ALG10: variants seen among roughly 807,000 people sequenced by gnomAD.
ALG10 encodes the protein ALG10 alpha-1,2-glucosyltransferase, also known as dol-P-Glc:Glc(2)Man(9)GlcNAc(2)-PP-Dol alpha-1,2-glucosyltransferase A.
Under a neutral mutation model 39.2 loss-of-function variants are expected in ALG10, and 25 were observed. The ratio of observed to expected loss-of-function variants is 0.64; its 90% CI spans 0.46 to 0.89. ALG10 has a LOEUF of 0.89. Ranked by LOEUF, ALG10 falls within the 40% of genes least tolerant of loss-of-function variation. The probability of loss-of-function intolerance (pLI) is 0.00; values close to 1 mark genes in which losing one functional copy is unlikely to be tolerated. For synonymous variants in ALG10, 184 were observed against 193.9 expected (o/e 0.95, Z 0.42); for missense variants, 486 against 546.6 (o/e 0.89, Z 1.11).
chr12:34,022,867 C>G, intron 1 of ALG10, 97 bp downstream of exon 1: 1 of 1,533,914 alleles, frequency 6.5e-7, no homozygotes, highest in Non-Finnish European at 8.9e-7. Flanking sequence ...CCTGTTCCAC[C>G]CCCTCAAGCC....
chr12:34,024,144 A>G lies in ALG10; in HGVS notation c.354A>G (p.Val118=), dbSNP rs56393741. Residue 118 remains valine, a synonymous_variant, in exon 2 of 3, where the codon GTA becomes GTG. Coordinates refer to ENST00000266483, the MANE Select transcript of ALG10 (RefSeq NM_032834.4). ...FYLLYLLFCK[V]QPRNKAASSI... The stretch of plus-strand genomic sequence containing the variant: ...TACTATATTTGCTTTTCTGCAAGGT[A>G]CAACCCAGAAACAAGGTATGTTTCA... 11,295 of 1,614,116 alleles carry G rather than the reference A, an allele frequency of 7.0e-3. 682 individuals are homozygous for G. In the African/African-American group the frequency reaches 0.13, roughly 19 times the overall value.
chr12:34,023,806 C>T (rs976706474), intron 1 of ALG10, 156 bp from the exon 2 acceptor site: 50 of 1,033,348 alleles, frequency 4.8e-5, no homozygotes, highest in Non-Finnish European at 6.6e-5. Context: ...ATAAGAAAAA[C>T]GAATCCTGTT....
rs1009298007 is a variant in ALG10, at chr12:34,027,826, A to G, written c.*911A>G. On this transcript the variant is annotated 3_prime_UTR_variant, in exon 3 of 3. Transcript: ENST00000266483. ...ACAGACATTCTATGTCTGTTTCCTA[A>G]TATCTTGTGGCTGTGTGCAATTCTT... 6 of 152,110 alleles carry G rather than the reference A, an allele frequency of 3.9e-5. No individual in the cohort carries two copies. Among genetic ancestry groups the G allele is most frequent in the African/African-American group, 1.4e-4 (6 of 41,428 alleles). The allele number at this position is 152,110 out of a possible 1,614,324, so 9.4% of individuals were successfully genotyped here. A position where few individuals can be genotyped will look rare whatever the true frequency, so the allele number is the denominator to read the frequency against.
At position 34,027,052 on chromosome 12, in the gene ALG10, TATATTTTAAAC is replaced by T; in HGVS notation, c.*142_*152del. ...TCAAATTACATTAGTTTTTTTTATA[TATATTTTAAAC>T]ATATGTAAGAAATTAAGTGGCAAAG... On this transcript the variant is annotated 3_prime_UTR_variant, in exon 3 of 3. Transcript: ENST00000266483. 1 of 928,516 alleles carries T rather than the reference TATATTTTAAAC, an allele frequency of 1.1e-6. No homozygotes were observed. The highest frequency in any genetic ancestry group is 1.5e-6 in the Non-Finnish European group (1 of 652,790). 57.5% of individuals were successfully genotyped at this position (928,516 alleles called of 1,614,324 possible).
intron 1 of ALG10, chr12:34,023,660 G>A (rs1199641921): frequency 2.5e-5 from 10 of 397,110 alleles, no homozygotes; most frequent in South Asian, 2.3e-4. Flanking sequence ...TTTAAAAACT[G>A]GAACATTTGC....
At chr12:34,022,477 T>C, upstream of ALG10, 1 of 1,491,574 alleles carries the variant, frequency 6.7e-7, no homozygotes, top group South Asian at 1.2e-5. Flanking sequence ...TGCCTTCCGG[T>C]ATGTGGCCCC....
rs763158933 is a variant in ALG10 at position 34,022,773 on chromosome 12, G to A, written c.171+3G>A. 19 of 1,614,056 alleles carry A rather than the reference G, an allele frequency of 1.2e-5. No individual in the cohort carries two copies. The highest frequency in any genetic ancestry group is 1.4e-5 in the Non-Finnish European group (17 of 1,180,016). ...AGGGCCATTTCTCCCTTTCCCAGGT[G>A]GGGTCCCCAACCTGTCCCCACCCCA... On this transcript the variant is annotated splice_donor_region_variant and intron_variant, in intron 1 of 2. Coordinates refer to ENST00000266483, the MANE Select transcript of ALG10 (RefSeq NM_032834.4).
At chr12:34,024,848 G>A (rs1942814370) in intron 2 of ALG10, among the ~76,000 whole-genome samples, 1 of 152,154 alleles carries the variant, frequency 6.6e-6, no homozygotes, top group Admixed American at 6.5e-5. Flanking sequence ...ATGCTATGAG[G>A]ATACAGAGAA....
Position 34,022,666 on chromosome 12 carries a change from C to T in ALG10, c.67C>T (p.Leu23Phe). 1 of 1,614,160 alleles carries T rather than the reference C, an allele frequency of 6.2e-7. No individual in the cohort carries two copies. Among genetic ancestry groups the T allele is most frequent in the Non-Finnish European group, 8.5e-7 (1 of 1,180,016 alleles). Residue 23 changes from leucine (L) to phenylalanine (F), a missense_variant, in exon 1 of 3, where the codon CTC becomes TTC. Leu to Phe is a conservative substitution (Grantham distance 22, BLOSUM62 0). Coordinates refer to ENST00000266483, the MANE Select transcript of ALG10 (RefSeq NM_032834.4). ...LSCTFLVSCL[L>F]FSAFSRALRE... ...CTGTACCTTTTTAGTATCCTGCCTC[C>T]TCTTCTCCGCCTTCAGCCGGGCGTT...
Position 34,023,997 on chromosome 12 carries a change from C to G in ALG10, c.207C>G (p.Tyr69Ter), listed in dbSNP as rs774036584. Residue 69 changes from tyrosine to a stop codon, truncating the protein, a stop_gained, in exon 2 of 3, where the codon TAC becomes TAG. Transcript: ENST00000266483. LOFTEE classifies it high-confidence loss of function. The stretch of plus-strand genomic sequence containing the variant: ...TGATTACTACATTACCTGGCTTGTA[C>G]CTGGTGTCAATTGGAGTGATCAAAC... The part of the protein sequence containing the change: ...DPMITTLPGL[Y>*]LVSIGVIKPA... The G allele has an allele frequency of 1.2e-5, 19 of 1,613,948 alleles. No homozygotes were observed. Among genetic ancestry groups the G allele is most frequent in the Non-Finnish European group, 1.5e-5 (18 of 1,180,016 alleles).
chr12:34,025,647 C>T (rs1444565027), intron 2 of ALG10, among the ~76,000 whole-genome samples: 9 of 152,044 alleles, frequency 5.9e-5, no homozygotes, highest in Admixed American at 6.5e-5. Context: ...CACATGGTCT[C>T]CAAACTGATA....
rs1309077395 is a variant in ALG10, at chr12:34,028,029, C to A, written c.*1114C>A. ...TCTAGGGTGATTGTGTCTGGAGACC[C>A]TTAATTATGTTTACAAAGACCCATG... On this transcript the variant is annotated 3_prime_UTR_variant, in exon 3 of 3. Transcript: ENST00000266483. The A allele has an allele frequency of 6.6e-6, 1 of 152,008 alleles. No homozygotes were observed. The highest frequency in any genetic ancestry group is 2.4e-5 in the African/African-American group (1 of 41,366). 9.4% of individuals were successfully genotyped at this position (152,008 alleles called of 1,614,324 possible).
chr12:34,025,007 A>G (rs961648883), intron 2 of ALG10, among the ~76,000 whole-genome samples: 1 of 152,154 alleles, frequency 6.6e-6, no homozygotes, highest in Non-Finnish European at 1.5e-5. Flanking sequence ...GAGACAAACA[A>G]CATAAGAAAA....
chr12:34,022,932 G>C, intron 1 of ALG10, 162 bp downstream of exon 1: 2 of 944,748 alleles, frequency 2.1e-6, no homozygotes, highest in Non-Finnish European at 3.1e-6. Context: ...TGAGATCTGT[G>C]AAATATTTAT....
In ALG10 at chr12:34,022,554, GA is replaced by G. The variant is rs1942788503; in HGVS notation, c.-44del. On this transcript the variant is annotated 5_prime_UTR_variant, in exon 1 of 3. Transcript: ENST00000266483. ...TTTCCAGCTCGGGTTTCCAGGCTCA[GA>G]ATTTTCCAGGAGTAGGTTCTTGGGC... The G allele has an allele frequency of 1.9e-6, 3 of 1,613,660 alleles. No homozygotes were observed. The highest frequency in any genetic ancestry group is 2.5e-6 in the Non-Finnish European group (3 of 1,179,850).
chr12:34,024,046 T>C lies in ALG10; in HGVS notation c.256T>C (p.Ser86Pro), dbSNP rs762202488. The C allele has an allele frequency of 8.7e-6, 14 of 1,614,098 alleles. No homozygotes were observed. The highest frequency in any genetic ancestry group is 1.3e-5 in the African/African-American group (1 of 74,948). ...IKPAIWIFGWSEHVVCSIGML... is the reference protein window; with the variant it reads ...IKPAIWIFGWPEHVVCSIGML... ...ACCTGCCATTTGGATCTTTGGATGG[T>C]CTGAACATGTTGTCTGCTCCATTGG... Residue 86 changes from serine to proline, a missense_variant, in exon 2 of 3, where the codon TCT (serine) becomes CCT (proline). By Grantham distance (74) the Ser-to-Pro change is moderately conservative (BLOSUM62 -1). Transcript: ENST00000266483.
upstream of ALG10, chr12:34,022,466 T>C (rs530692755): frequency 7.0e-6 from 10 of 1,431,828 alleles, no homozygotes; most frequent in Middle Eastern, 2.5e-4. Context: ...CCAGCATCCT[T>C]TGCCTTCCGG....
chr12:34,025,899 A>G lies in ALG10; in HGVS notation c.406A>G (p.Thr136Ala). Residue 136 changes from threonine to alanine, a missense_variant, in exon 3 of 3, where the codon ACA becomes GCA. Transcript: ENST00000266483. The part of the protein sequence containing the change: ...SSIQRVLSTL[T>A]LAVFPTLYFF... Reference sequence around the variant, plus strand: ...TATCCAGAGAGTCTTGTCAACATTAACACTAGCAGTATTTCCAACACTTTA... The same window carrying G: ...TATCCAGAGAGTCTTGTCAACATTAGCACTAGCAGTATTTCCAACACTTTA... The G allele has an allele frequency of 6.2e-7, 1 of 1,614,012 alleles. No individual in the cohort carries two copies. Among genetic ancestry groups the G allele is most frequent in the Non-Finnish European group, 8.5e-7 (1 of 1,179,932 alleles).
intron 2 of ALG10, 36 bp from the exon 3 acceptor site, chr12:34,025,827 G>T (rs369014729): frequency 3.0e-5 from 48 of 1,611,054 alleles, no homozygotes; most frequent in Non-Finnish European, 3.9e-5. Context: ...TTTTTGTCAT[G>T]AAAATAATTT....
Sources: allele counts gnomAD v4.1 joint callset (sites outside exome capture counted in the v4.1 genomes callset), GRCh38; gene constraint gnomAD v4.1.1; transcripts MANE v1.5; gene names NCBI Gene and HGNC (gene_info 2026-07-23, HGNC 2026-07-21).